Variants in PLCL2 observed in about 807,000 individuals in gnomAD.
The protein encoded by PLCL2 is phospholipase C like 2.
A neutral mutation model predicts 79.6 loss-of-function variants in PLCL2; 4 were observed. That is an observed-to-expected ratio of 0.05 (90% CI 0.02 to 0.11). The LOEUF (loss-of-function observed/expected upper bound fraction) is 0.11. PLCL2 is among the 10% of genes least tolerant of loss of function. PLCL2 has a pLI of 1.00. For missense variants in PLCL2, 895 were observed against 1,291.0 expected (o/e 0.69, Z 4.70); for synonymous variants, 484 against 457.7 (o/e 1.06, Z -0.73).
At chr3:17,005,754 C>T (rs528271688) in intron 1 of PLCL2, among the ~76,000 whole-genome samples, 1 of 152,068 alleles carries the variant, frequency 6.6e-6, no homozygotes, top group East Asian at 1.9e-4. Flanking sequence ...TCAAGAAATG[C>T]AAAATTTCAG....
intron 3 of PLCL2, among the ~76,000 whole-genome samples, chr3:17,016,376 T>G (rs1326407350): frequency 6.6e-6 from 1 of 152,216 alleles, no homozygotes; most frequent in Non-Finnish European, 1.5e-5. Flanking sequence ...TGTTTCCTTC[T>G]TAGCATTCAT....
chr3:17,003,732 T>G (rs1308374372), intron 1 of PLCL2, among the ~76,000 whole-genome samples: 1 of 152,180 alleles, frequency 6.6e-6, no homozygotes, highest in Admixed American at 6.5e-5. Context: ...TCTGCCACTC[T>G]ACTGGTCATA....
At chr3:17,088,776 C>A (rs1480512161) in intron 5 of PLCL2, among the ~76,000 whole-genome samples, 1 of 152,112 alleles carries the variant, frequency 6.6e-6, no homozygotes, top group Non-Finnish European at 1.5e-5. Flanking sequence ...ATTCTCTGGT[C>A]CAAAATGTCA....
chr3:16,940,568 C>T (rs991469913), intron 1 of PLCL2, among the ~76,000 whole-genome samples: 1 of 152,058 alleles, frequency 6.6e-6, no homozygotes, highest in Admixed American at 6.5e-5. Context: ...CAGGCTCAAT[C>T]GTGCACCAAA....
chr3:17,028,692 A>G (rs1391407229), intron 3 of PLCL2, among the ~76,000 whole-genome samples: 1 of 151,944 alleles, frequency 6.6e-6, no homozygotes, highest in Non-Finnish European at 1.5e-5. Flanking sequence ...CATGTTGCTC[A>G]GGCTGGTCTT....
chr3:17,061,166 G>A (rs1191832176), intron 4 of PLCL2, among the ~76,000 whole-genome samples: 1 of 152,184 alleles, frequency 6.6e-6, no homozygotes, highest in Non-Finnish European at 1.5e-5. Flanking sequence ...AAGGTCGTCT[G>A]CTTTACGTTT....
At chr3:17,033,577 G>T (rs1207329755) in intron 3 of PLCL2, among the ~76,000 whole-genome samples, 1 of 152,162 alleles carries the variant, frequency 6.6e-6, no homozygotes, top group Non-Finnish European at 1.5e-5. Flanking sequence ...GTGTGCACAA[G>T]TTTGTGTGAA....
In PLCL2 at chr3:17,087,141, G is replaced by A. The variant is rs1003195029; in HGVS notation, c.3205-2592G>A. Among the ~76,000 whole-genome samples the A allele has an allele frequency of 2.3e-4, 35 of 152,242 alleles. 1 individual carries two copies. The South Asian group carries it at 3.5e-3, about 15-fold the overall frequency. On this transcript the variant is annotated intron_variant, in intron 5 of 5. Transcript: ENST00000615277. ...ACATACTCTTACCATATGATCCAGC[G>A]ATCATACCCCTTGGAATGTACCTAA...
chr3:17,029,710 C>A (rs1425887858), intron 3 of PLCL2, among the ~76,000 whole-genome samples: 1 of 152,078 alleles, frequency 6.6e-6, no homozygotes, highest in Non-Finnish European at 1.5e-5. Flanking sequence ...CCCCCAACTG[C>A]TACAGGCCCC....
chr3:16,955,504 A>G (rs1328582085), intron 1 of PLCL2, among the ~76,000 whole-genome samples: 3 of 152,068 alleles, frequency 2.0e-5, no homozygotes, highest in Non-Finnish European at 4.4e-5. Context: ...TTGACTTGGC[A>G]ATGCGGGCTC....
At chr3:16,919,183 T>C (rs1697065834) in intron 1 of PLCL2, among the ~76,000 whole-genome samples, 1 of 152,192 alleles carries the variant, frequency 6.6e-6, no homozygotes, top group African/African-American at 2.4e-5. Flanking sequence ...GTTGAATTTC[T>C]GAAACTTGTT....
chr3:17,005,576 C>T (rs1195021625), intron 1 of PLCL2, among the ~76,000 whole-genome samples: 4 of 152,072 alleles, frequency 2.6e-5, no homozygotes, highest in Non-Finnish European at 5.9e-5. Flanking sequence ...AAATATGAGT[C>T]GTATAAACAT....
intron 1 of PLCL2, among the ~76,000 whole-genome samples, chr3:16,948,401 G>A (rs561298572): frequency 2.6e-5 from 4 of 152,280 alleles, no homozygotes; most frequent in African/African-American, 9.6e-5. Flanking sequence ...GCTAATGGGT[G>A]TGGAGTTTAT....
At chr3:16,970,252 C>T (rs542347084) in intron 1 of PLCL2, among the ~76,000 whole-genome samples, 225 of 151,776 alleles carry the variant, frequency 1.5e-3, no homozygotes, top group African/African-American at 5.1e-3. Flanking sequence ...TGATGTTCCC[C>T]TTCCTGTGTC....
chr3:16,893,282 T>C lies in PLCL2; in HGVS notation c.327+7916T>C, dbSNP rs550386245. Among the ~76,000 whole-genome samples the C allele has an allele frequency of 3.0e-4, 46 of 152,346 alleles. 1 individual carries two copies. In the Middle Eastern group the frequency reaches 0.01, roughly 34 times the overall value. On this transcript the variant is annotated intron_variant, in intron 1 of 5. Transcript: ENST00000615277. ...AACAAAAAGTTGATTTATAGTTCTA[T>C]GCATTTTTAGGGTCCTGGAAGGTAA...
intron 1 of PLCL2, 103 bp downstream of exon 1, chr3:16,885,469 GAA>G (rs1222330906): frequency 7.1e-5 from 36 of 505,422 alleles, no homozygotes; most frequent in Non-Finnish European, 1.2e-4. Context: ...CTGCTAACAG[GAA>G]CCACTGGAGC....
At chr3:17,071,343 T>C (rs1190787171) in intron 5 of PLCL2, among the ~76,000 whole-genome samples, 1 of 152,202 alleles carries the variant, frequency 6.6e-6, no homozygotes, top group African/African-American at 2.4e-5. Context: ...GAAGGTTCTT[T>C]TAAAATTCAG....
At chr3:16,902,555 G>A (rs1354743238) in intron 1 of PLCL2, among the ~76,000 whole-genome samples, 1 of 152,088 alleles carries the variant, frequency 6.6e-6, no homozygotes, top group African/African-American at 2.4e-5. Context: ...GGCCAGGCAC[G>A]GTGGCTCATG....
chr3:16,888,174 A>G (rs1234273748), intron 1 of PLCL2, among the ~76,000 whole-genome samples: 4 of 152,204 alleles, frequency 2.6e-5, no homozygotes, highest in Admixed American at 6.5e-5. Flanking sequence ...AAGGGGGACT[A>G]TTGCTAAAGT....
Sources: allele counts gnomAD v4.1 joint callset (sites outside exome capture counted in the v4.1 genomes callset), GRCh38; gene constraint gnomAD v4.1.1; transcripts MANE v1.5; gene names NCBI Gene and HGNC (gene_info 2026-07-23, HGNC 2026-07-21).